The following GIN1 variants were observed in gnomAD, a reference collection of about 807,000 sequenced individuals.
GIN1 encodes the protein gypsy retrotransposon integrase 1.
A neutral mutation model predicts 51.4 loss-of-function variants in GIN1; 41 were observed. That is an observed-to-expected ratio of 0.80 (90% CI 0.62 to 1.04). The LOEUF (loss-of-function observed/expected upper bound fraction) is 1.04. Among genes scored for constraint, GIN1 ranks in the 50% least tolerant of loss-of-function variants. GIN1 has a pLI of 0.00. For missense variants in GIN1, 610 were observed against 612.4 expected (o/e 1.00, Z 0.04); for synonymous variants, 222 against 206.5 (o/e 1.07, Z -0.64).
Position 103,087,877 on chromosome 5 carries a change from T to G in GIN1, c.*21A>C. Reference sequence around the variant, plus strand: ...AGAATTTATATTCTAAACAAACAATTTAAATAAATTTTGGTATTTACTAAC... The same window carrying G: ...AGAATTTATATTCTAAACAAACAATGTAAATAAATTTTGGTATTTACTAAC... On this transcript the variant is annotated 3_prime_UTR_variant, in exon 8 of 8. Coordinates refer to ENST00000399004, the MANE Select transcript of GIN1 (RefSeq NM_017676.2). 3.8e-6 allele frequency: 4 copies of G among 1,051,212 alleles called. No homozygotes were observed. Among genetic ancestry groups the G allele is most frequent in the Non-Finnish European group, 5.5e-6 (4 of 733,260 alleles). 65.1% of individuals were successfully genotyped at this position (1,051,212 alleles called of 1,614,324 possible).
chr5:103,117,481 T>C (rs1198582280), intron 1 of GIN1, among the ~76,000 whole-genome samples: 1 of 151,048 alleles, frequency 6.6e-6, no homozygotes, highest in Non-Finnish European at 1.5e-5. Context: ...TAGAACCTGA[T>C]ATAGGTCATT....
chr5:103,098,021 TA>T (rs1787457405), intron 4 of GIN1, among the ~76,000 whole-genome samples: 1 of 152,154 alleles, frequency 6.6e-6, no homozygotes, highest in African/African-American at 2.4e-5. Flanking sequence ...TAGCTGGGAC[TA>T]CAGGTGTGCG....
chr5:103,099,825 C>T (rs1031379454), intron 4 of GIN1, among the ~76,000 whole-genome samples: 1 of 152,172 alleles, frequency 6.6e-6, no homozygotes, highest in Non-Finnish European at 1.5e-5. Context: ...TTAGCAAATA[C>T]TCTAAGCTAA....
At chr5:103,108,377 C>G (rs1332287724) in intron 2 of GIN1, among the ~76,000 whole-genome samples, 192 bp downstream of exon 2, 5 of 151,908 alleles carry the variant, frequency 3.3e-5, no homozygotes, top group Non-Finnish European at 7.4e-5. Context: ...TTTAAACAAC[C>G]CTTTTCACGC....
rs1787086136 is a variant in GIN1 at position 103,086,786 on chromosome 5, T to C, written c.*1112A>G. The C allele has an allele frequency of 6.6e-6, 1 of 152,258 alleles. No homozygotes were observed. Among genetic ancestry groups the C allele is most frequent in the African/African-American group, 2.4e-5 (1 of 41,468 alleles). The allele number at this position is 152,258 out of a possible 1,614,324, so 9.4% of individuals were successfully genotyped here. A position where few individuals can be genotyped will look rare whatever the true frequency, so the allele number is the denominator to read the frequency against. Reference sequence around the variant, plus strand: ...ATTACCTACCAGACAGTAAGTCCTTTATAAGAATGAGGTACACGTTTGACT... The same window carrying C: ...ATTACCTACCAGACAGTAAGTCCTTCATAAGAATGAGGTACACGTTTGACT... On this transcript the variant is annotated 3_prime_UTR_variant, in exon 8 of 8. Transcript: ENST00000399004.
In GIN1 at chr5:103,088,008, C is replaced by G. The variant is rs781959169; in HGVS notation, c.1459G>C (p.Glu487Gln). 1 of 1,604,476 alleles carries G rather than the reference C, an allele frequency of 6.2e-7. No individual in the cohort carries two copies. The highest frequency in any genetic ancestry group is 8.5e-7 in the Non-Finnish European group (1 of 1,171,608). ...LTSSKDRELLEYRNTKISPLI... is the reference protein window; with the variant it reads ...LTSSKDRELLQYRNTKISPLI... ...GGAGAGATTTTCGTATTTCTATATT[C>G]TAATAGTTCACGATCCTTGCTTGAT... The change falls in exon 8 of 8, where the codon GAA becomes CAA. Residue 487 changes from glutamate (E) to glutamine (Q), a missense_variant. Glu to Gln is a conservative substitution (Grantham distance 29). Transcript: ENST00000399004.
chr5:103,116,425 A>T (rs1788030847), intron 1 of GIN1, among the ~76,000 whole-genome samples: 1 of 152,124 alleles, frequency 6.6e-6, no homozygotes, highest in Non-Finnish European at 1.5e-5. Context: ...ACATCCTTTG[A>T]AAAAAGATGA....
At chr5:103,091,304 G>C (rs1468338002) in intron 7 of GIN1, among the ~76,000 whole-genome samples, 1 of 152,064 alleles carries the variant, frequency 6.6e-6, no homozygotes, top group African/African-American at 2.4e-5. Flanking sequence ...GTGGCTATTA[G>C]AAAATTTTAA....
At position 103,097,312 on chromosome 5, in the gene GIN1, A is replaced by T; in HGVS notation, c.1008+2T>A. Reference sequence around the variant, plus strand: ...TACAGTTTTTCTATTGAATAGAATCACCTGGCCCAGTGAAGTTGTCTTATT... The same window carrying T: ...TACAGTTTTTCTATTGAATAGAATCTCCTGGCCCAGTGAAGTTGTCTTATT... On this transcript the variant is annotated splice_donor_variant, in intron 6 of 7. Coordinates refer to ENST00000399004, the MANE Select transcript of GIN1 (RefSeq NM_017676.2). LOFTEE classifies it high-confidence loss of function. 6.4e-7 allele frequency: 1 copy of T among 1,552,130 alleles called. No homozygotes were observed. The highest frequency in any genetic ancestry group is 8.9e-7 in the Non-Finnish European group (1 of 1,128,976).
chr5:103,113,382 A>G (rs1444432574), intron 1 of GIN1, among the ~76,000 whole-genome samples: 1 of 152,132 alleles, frequency 6.6e-6, no homozygotes, highest in Non-Finnish European at 1.5e-5. Flanking sequence ...TCACTTTCTT[A>G]TAGGCAGCTG....
chr5:103,096,159 T>C (rs1412427260), intron 7 of GIN1, among the ~76,000 whole-genome samples: 1 of 151,620 alleles, frequency 6.6e-6, no homozygotes, highest in Non-Finnish European at 1.5e-5. Context: ...CTAGCTAACA[T>C]GGTGAAACCC....
intron 6 of GIN1, 139 bp downstream of exon 6, chr5:103,097,175 A>T: frequency 1.6e-6 from 1 of 630,948 alleles, no homozygotes; most frequent in South Asian, 2.1e-5. Flanking sequence ...TCAAGACAAG[A>T]AAAATCTGAT....
At chr5:103,092,608 A>G (rs34805) in intron 7 of GIN1, among the ~76,000 whole-genome samples, 39,127 of 152,062 alleles carry the variant, frequency 0.26, 5,557 homozygotes, top group East Asian at 0.45. Context: ...TGTCATTATA[A>G]TAACTAATAC....
At chr5:103,105,812 G>C (rs1554196218) in intron 3 of GIN1, among the ~76,000 whole-genome samples, 1 of 152,054 alleles carries the variant, frequency 6.6e-6, no homozygotes. Flanking sequence ...TTATTTGTTG[G>C]ATTTTATCAC....
chr5:103,115,526 G>C (rs529592418), intron 1 of GIN1, among the ~76,000 whole-genome samples: 3 of 152,206 alleles, frequency 2.0e-5, no homozygotes, highest in African/African-American at 7.2e-5. Context: ...GGGTGAGGAG[G>C]AGAGAATGTA....
chr5:103,094,885 G>A lies in GIN1; in HGVS notation c.1294+1656C>T, dbSNP rs1787348973. On this transcript the variant is annotated intron_variant, in intron 7 of 7. Coordinates refer to ENST00000399004, the MANE Select transcript of GIN1 (RefSeq NM_017676.2). ...ACAAAGAGAACGAAAGCACTTGTGA[G>A]TTTTCAGGATTAGAATGTAGTTCAA... 2.6e-5 allele frequency among the ~76,000 whole-genome samples: 4 copies of A among 152,196 alleles called. No individual in the cohort carries two copies. In the South Asian group the frequency reaches 8.3e-4, roughly 31 times the overall value.
intron 4 of GIN1, chr5:103,102,182 T>C (rs897318045): frequency 5.0e-4 from 76 of 152,222 alleles, no homozygotes; most frequent in African/African-American, 1.8e-3. Flanking sequence ...TTAATTTACC[T>C]GAAAATACTT....
intron 4 of GIN1, among the ~76,000 whole-genome samples, chr5:103,098,504 A>AC (rs1370432784): frequency 3.0e-4 from 45 of 151,904 alleles, no homozygotes; most frequent in Non-Finnish European, 2.1e-4. Context: ...GCGGTGGGAG[A>AC]CAGGGTCTTG....
rs1554195220 is a variant in GIN1, at chr5:103,097,414, T to G, written c.908A>C (p.His303Pro). The G allele has an allele frequency of 6.4e-7, 1 of 1,565,732 alleles. No individual in the cohort carries two copies. Among genetic ancestry groups the G allele is most frequent in the Non-Finnish European group, 8.8e-7 (1 of 1,136,234 alleles). The change falls in exon 6 of 8, where the codon CAT becomes CCT. Residue 303 changes from histidine (H) to proline (P), a missense_variant. By Grantham distance (77) the His-to-Pro change is moderately conservative. Transcript: ENST00000399004. ...ACTTGTATTATCACCATCCACTTCATGAAGACTATCTGAAGTCTCAGGCAT... is the reference window on the plus strand; with the variant it reads ...ACTTGTATTATCACCATCCACTTCAGGAAGACTATCTGAAGTCTCAGGCAT... ...PYMPETSDSL[H>P]EVDGDNTSMF...
Sources: allele counts gnomAD v4.1 joint callset (sites outside exome capture counted in the v4.1 genomes callset), GRCh38; gene constraint gnomAD v4.1.1; transcripts MANE v1.5; gene names NCBI Gene and HGNC (gene_info 2026-07-23, HGNC 2026-07-21).